The following SUGP2 variants were observed in gnomAD, a reference collection of about 807,000 sequenced individuals.
SUGP2 encodes the protein SURP and G-patch domain-containing protein 2.
A neutral mutation model predicts 90.5 loss-of-function variants in SUGP2; 24 were observed. The observed-to-expected ratio is 0.27, with a 90% confidence interval of 0.19 to 0.37. The LOEUF is 0.37. Among genes scored for constraint, SUGP2 ranks in the 10% least tolerant of loss-of-function variants. The probability of loss-of-function intolerance (pLI) is 1.00; values close to 1 mark genes in which losing one functional copy is unlikely to be tolerated. For missense variants in SUGP2, 1,233 were observed against 1,363.3 expected (o/e 0.90, Z 1.51); for synonymous variants, 473 against 513.4 (o/e 0.92, Z 1.06).
At chr19:19,027,722 C>T (rs2058990006) in intron 2 of SUGP2, among the ~76,000 whole-genome samples, 1 of 152,024 alleles carries the variant, frequency 6.6e-6, no homozygotes. Context: ...ACCGCAACCT[C>T]CACCTCCCAG....
At chr19:19,016,936 CAAGAATTTTGTAAA>C (rs1389746189) in intron 4 of SUGP2, among the ~76,000 whole-genome samples, 1 of 152,188 alleles carries the variant, frequency 6.6e-6, no homozygotes, top group African/African-American at 2.4e-5. Flanking sequence ...AATCCAAACT[CAAGAATTTTGTAAA>C]AATAAAACCA....
chr19:19,018,470 G>A (rs772107863), intron 4 of SUGP2, among the ~76,000 whole-genome samples: 7 of 151,980 alleles, frequency 4.6e-5, no homozygotes, highest in East Asian at 1.9e-4. Context: ...GGTGGATCAT[G>A]AGGTCAGGAG....
chr19:19,006,152 G>A (rs981985571), intron 6 of SUGP2, among the ~76,000 whole-genome samples: 6 of 151,870 alleles, frequency 4.0e-5, no homozygotes, highest in Non-Finnish European at 1.5e-5. Context: ...CCCGAGAGGC[G>A]GAGGTTGCAG....
chr19:19,011,233 G>A (rs1407844045), intron 4 of SUGP2, among the ~76,000 whole-genome samples: 3 of 150,396 alleles, frequency 2.0e-5, no homozygotes, highest in African/African-American at 7.3e-5. Flanking sequence ...CCGCAGCCTC[G>A]ACCTTCTGGG....
At chr19:19,002,507 T>G (rs2057879541) in intron 7 of SUGP2, among the ~76,000 whole-genome samples, 2 of 17,238 alleles carry the variant, frequency 1.2e-4, no homozygotes, top group African/African-American at 4.7e-4. Context: ...GCAAGTCTGT[T>G]TTTTTTTTTT....
intron 8 of SUGP2, among the ~76,000 whole-genome samples, chr19:18,995,827 T>C (rs55678828): frequency 0.059 from 9,030 of 152,220 alleles, 359 homozygotes; most frequent in Middle Eastern, 0.14. Flanking sequence ...TACTTGGACA[T>C]TGGGGTCTGT....
chr19:19,024,196 G>T (rs1484343056), intron 3 of SUGP2, among the ~76,000 whole-genome samples: 1 of 152,048 alleles, frequency 6.6e-6, no homozygotes, highest in African/African-American at 2.4e-5. Context: ...TGAAACCTCC[G>T]CCTCCCAGGT....
intron 2 of SUGP2, among the ~76,000 whole-genome samples, chr19:19,027,217 T>C (rs1267797295): frequency 6.6e-6 from 1 of 152,194 alleles, no homozygotes; most frequent in Non-Finnish European, 1.5e-5. Context: ...TACGGGCATA[T>C]GAGAACAGTG....
intron 3 of SUGP2, among the ~76,000 whole-genome samples, chr19:19,023,205 C>G (rs899538996): frequency 6.6e-6 from 1 of 152,154 alleles, no homozygotes; most frequent in Non-Finnish European, 1.5e-5. Flanking sequence ...TGTGGAATGA[C>G]CTGGCTGTTC....
At chr19:19,016,793 C>A (rs941169807) in intron 4 of SUGP2, among the ~76,000 whole-genome samples, 7 of 152,146 alleles carry the variant, frequency 4.6e-5, no homozygotes, top group African/African-American at 1.7e-4. Context: ...GTGCTTAGAA[C>A]AGTACCAACT....
chr19:19,027,990 G>A (rs142954659), intron 2 of SUGP2, among the ~76,000 whole-genome samples: 114 of 152,274 alleles, frequency 7.5e-4, no homozygotes, highest in Admixed American at 1.6e-3. Context: ...GAGCCAGACC[G>A]TACAGTTACA....
intron 4 of SUGP2, among the ~76,000 whole-genome samples, chr19:19,010,724 G>T (rs2058278977): frequency 6.6e-6 from 1 of 152,250 alleles, no homozygotes; most frequent in South Asian, 2.1e-4. Flanking sequence ...CTGCATCAAG[G>T]AAAGTGTGAT....
chr19:19,030,800 A>G, intron 2 of SUGP2, 151 bp downstream of exon 2: 5 of 999,340 alleles, frequency 5.0e-6, no homozygotes, highest in Non-Finnish European at 5.9e-6. Flanking sequence ...AAGAAACCAA[A>G]CCAAAATAAA....
At chr19:19,000,428 G>A (rs1435855991) in intron 8 of SUGP2, among the ~76,000 whole-genome samples, 1 of 152,192 alleles carries the variant, frequency 6.6e-6, no homozygotes, top group Non-Finnish European at 1.5e-5. Flanking sequence ...CCTGCTTGCT[G>A]CTGCCTCCAG....
At chr19:19,029,605 AT>A (rs772804457) in intron 2 of SUGP2, among the ~76,000 whole-genome samples, 643 of 136,310 alleles carry the variant, frequency 4.7e-3, no homozygotes, top group African/African-American at 6.7e-3. Context: ...CACCTGGCTA[AT>A]TTTTTTTTTT....
In SUGP2 at chr19:19,004,424, C is replaced by T; in HGVS notation, c.2673G>A (p.Met891Ile). ...REAELESPEV[M>I]PEEEDEDDED... ...CATCGTCCTCGTCCTCCTCCTCAGG[C>T]ATCACCTCTGGGCTCTCCAGCTCAG... The change falls in exon 7 of 11, where the codon ATG becomes ATA. Residue 891 changes from methionine (M) to isoleucine (I), a missense_variant. Around this residue, in one of 8 missense-constraint regions of SUGP2, gnomAD observed 540 missense variants for 542.6 expected, o/e 1.00. Transcript: ENST00000452918. 2 of 1,614,216 alleles carry T rather than the reference C, an allele frequency of 1.2e-6. No individual in the cohort carries two copies. Among genetic ancestry groups the T allele is most frequent in the Non-Finnish European group, 1.7e-6 (2 of 1,180,034 alleles).
intron 6 of SUGP2, among the ~76,000 whole-genome samples, chr19:19,006,061 T>C (rs1483310397): frequency 6.6e-6 from 1 of 151,898 alleles, no homozygotes; most frequent in East Asian, 1.9e-4. Context: ...AAACCCCGTC[T>C]CTACTAAAAA....
At chr19:19,027,185 G>A (rs1352778800) in intron 2 of SUGP2, among the ~76,000 whole-genome samples, 1 of 152,218 alleles carries the variant, frequency 6.6e-6, no homozygotes, top group Admixed American at 6.5e-5. Context: ...GAAACTGTAA[G>A]AAGCGAGGAA....
chr19:18,997,802 A>AG (rs1491544681), intron 8 of SUGP2, among the ~76,000 whole-genome samples: 9 of 147,086 alleles, frequency 6.1e-5, no homozygotes, highest in Admixed American at 2.1e-4. Context: ...AAAAAAAAAA[A>AG]AGAAAGAAAG....
Sources: gnomAD v4.1 joint callset for allele counts (sites outside exome capture counted in the v4.1 genomes callset) on GRCh38, gnomAD v4.1.1 for gene constraint, gnomAD v4.1.1 regional missense constraint, MANE v1.5 for transcripts, NCBI Gene and HGNC (gene_info 2026-07-23, HGNC 2026-07-21) for gene names.